The following ZNF649 variants were observed in gnomAD, a reference collection of about 807,000 sequenced individuals.
The protein encoded by ZNF649 is zinc finger protein 649.
A neutral mutation model predicts 14.1 loss-of-function variants in ZNF649; 7 were observed. The observed-to-expected ratio is 0.49, with a 90% CI of 0.28 to 0.93. The LOEUF (loss-of-function observed/expected upper bound fraction) is 0.93. Ranked by LOEUF, ZNF649 falls within the 40% of genes least tolerant of loss-of-function variation. The probability of loss-of-function intolerance (pLI) is 0.10; values close to 1 mark genes in which losing one functional copy is unlikely to be tolerated. For synonymous variants in ZNF649, 227 were observed against 212.3 expected (o/e 1.07, Z -0.60); for missense variants, 544 against 608.1 (o/e 0.89, Z 1.11).
At position 51,891,034 on chromosome 19, in the gene ZNF649, G is replaced by T; in HGVS notation, c.1102C>A (p.His368Asn). The change falls in exon 5 of 5, where the codon CAT becomes AAT. Residue 368 changes from histidine to asparagine, a missense_variant. By Grantham distance (68) the His-to-Asn change is moderately conservative (BLOSUM62 1). Transcript: ENST00000354957. This position sits in a 1 kb window ranked among gnomAD's most constrained non-coding sequence, Gnocchi z 4.2. Reference protein sequence around the residue: ...KSCLVAHQRYHTGKTPFVCPE... With the variant: ...KSCLVAHQRYNTGKTPFVCPE... ...CATACAAAGGGAGTCTTTCCTGTAT[G>T]ATATCTCTGATGTGCTACAAGGCAA... 6.2e-7 allele frequency: 1 copy of T among 1,614,168 alleles called. No individual in the cohort carries two copies.
intron 1 of ZNF649, among the ~76,000 whole-genome samples, chr19:51,902,972 A>T (rs1301811776): frequency 1.3e-5 from 2 of 152,232 alleles, no homozygotes; most frequent in African/African-American, 4.8e-5. Flanking sequence ...TGGCAAAGTT[A>T]TCTCGGGGTA....
chr19:51,890,574 C>T lies in ZNF649; in HGVS notation c.*44G>A, dbSNP rs772346991. ...AAAGGCCCATGGGACATGACAAACT[C>T]AGCATTCCGCTGGAGGCTATATGAT... On this transcript the variant is annotated 3_prime_UTR_variant, in exon 5 of 5. Transcript: ENST00000354957. 5 of 1,348,804 alleles carry T rather than the reference C, an allele frequency of 3.7e-6. No individual in the cohort carries two copies. In the East Asian group the frequency reaches 6.9e-5, roughly 19 times the overall value. The allele number at this position is 1,348,804 out of a possible 1,614,324, so 83.6% of individuals were successfully genotyped here.
chr19:51,900,711 C>T (rs2085089592), intron 1 of ZNF649, among the ~76,000 whole-genome samples: 2 of 152,180 alleles, frequency 1.3e-5, no homozygotes, highest in South Asian at 4.1e-4. Flanking sequence ...AGCCTTTTTC[C>T]CAACAATCGT....
At chr19:51,901,108 C>T (rs781621752) in intron 1 of ZNF649, among the ~76,000 whole-genome samples, 3 of 152,134 alleles carry the variant, frequency 2.0e-5, no homozygotes, top group South Asian at 2.1e-4. Flanking sequence ...TGACAACACA[C>T]GTGAAATGCT....
chr19:51,895,357 T>C (rs2085054940), intron 4 of ZNF649, among the ~76,000 whole-genome samples: 1 of 152,154 alleles, frequency 6.6e-6, no homozygotes, highest in Non-Finnish European at 1.5e-5. Flanking sequence ...TTCTTTTTGT[T>C]TTTTGAAACA....
In ZNF649 at chr19:51,890,341, T is replaced by C. The variant is rs1413874192; in HGVS notation, c.*277A>G. On this transcript the variant is annotated 3_prime_UTR_variant, in exon 5 of 5. Coordinates refer to ENST00000354957, the MANE Select transcript of ZNF649 (RefSeq NM_023074.4). Reference sequence around the variant, plus strand: ...TACAAAGAGAACAAAAGCTAACCCCTACCTTGGCCCCCGGAGTAAGAGATA... The same window carrying C: ...TACAAAGAGAACAAAAGCTAACCCCCACCTTGGCCCCCGGAGTAAGAGATA... 2 of 359,312 alleles carry C rather than the reference T, an allele frequency of 5.6e-6. No individual in the cohort carries two copies. Among genetic ancestry groups the C allele is most frequent in the Non-Finnish European group, 5.0e-6 (1 of 200,074 alleles). 22.3% of individuals were successfully genotyped at this position (359,312 alleles called of 1,614,324 possible). A position where few individuals can be genotyped will look rare whatever the true frequency, so the allele number is the denominator to read the frequency against.
intron 1 of ZNF649, among the ~76,000 whole-genome samples, chr19:51,902,977 G>A (rs2085103363): frequency 6.6e-6 from 1 of 152,166 alleles, no homozygotes; most frequent in African/African-American, 2.4e-5. Flanking sequence ...AAGTTATCTC[G>A]GGGTAAATGC....
intron 2 of ZNF649, chr19:51,897,282 T>C: frequency 4.2e-6 from 1 of 236,480 alleles, no homozygotes; most frequent in Admixed American, 5.0e-5. Context: ...TGTTCACAAA[T>C]AAACTGTATT....
chr19:51,897,036 G>A, intron 2 of ZNF649, 58 bp from the exon 3 acceptor site: 2 of 1,607,622 alleles, frequency 1.2e-6, no homozygotes, highest in Non-Finnish European at 1.7e-6. Flanking sequence ...GAAGAAATAT[G>A]AAGTTGTTCG....
intron 4 of ZNF649, among the ~76,000 whole-genome samples, chr19:51,892,455 G>A (rs2085030576): frequency 6.6e-6 from 1 of 152,042 alleles, no homozygotes; most frequent in Non-Finnish European, 1.5e-5. Flanking sequence ...GAGGTGGGAA[G>A]ATCACTTGAG....
chr19:51,899,415 CAGTTT>C (rs2085082790), intron 2 of ZNF649, among the ~76,000 whole-genome samples: 1 of 152,150 alleles, frequency 6.6e-6, no homozygotes. Context: ...ACTTAAACAC[CAGTTT>C]AGTGACCTGT....
At position 51,890,883 on chromosome 19, in the gene ZNF649, A is replaced by C. The variant is rs149447174; in HGVS notation, c.1253T>G (p.Ile418Ser). ...GKAFLTKTML[I>S]VHHRTHTGER... ...TCCCGTGTGAGTTCTGTGATGTACAATGAGCATTGTCTTTGTAAGGAAGGC... is the reference window on the plus strand; with the variant it reads ...TCCCGTGTGAGTTCTGTGATGTACACTGAGCATTGTCTTTGTAAGGAAGGC... The change falls in exon 5 of 5, where the codon ATT becomes AGT. Residue 418 changes from isoleucine (I) to serine (S), a missense_variant. By Grantham distance (142) the Ile-to-Ser change is moderately radical. Transcript: ENST00000354957. 7.4e-6 allele frequency: 12 copies of C among 1,614,096 alleles called. No homozygotes were observed. Among genetic ancestry groups the C allele is most frequent in the Non-Finnish European group, 1.0e-5 (12 of 1,180,044 alleles).
rs2085018681 is a variant in ZNF649, at chr19:51,891,091, T to C, written c.1045A>G (p.Ile349Val). The change falls in exon 5 of 5, where the codon ATT (isoleucine) becomes GTT (valine). Residue 349 changes from isoleucine to valine, a missense_variant. Transcript: ENST00000354957. This position sits in a 1 kb window ranked among gnomAD's most constrained non-coding sequence, Gnocchi z 4.2. The stretch of plus-strand genomic sequence containing the variant: ...TGGCTGAAGGCCTTGCCACAGTCAA[T>C]GCATCCATAAGGTTTCTCTCCAGTG... ...THTGEKPYGC[I>V]DCGKAFSQKS... 6.2e-7 allele frequency: 1 copy of C among 1,614,218 alleles called. No homozygotes were observed. Among genetic ancestry groups the C allele is most frequent in the Non-Finnish European group, 8.5e-7 (1 of 1,180,030 alleles).
chr19:51,895,258 C>A (rs1468578869), intron 4 of ZNF649, among the ~76,000 whole-genome samples: 1 of 152,126 alleles, frequency 6.6e-6, no homozygotes, highest in Non-Finnish European at 1.5e-5. Flanking sequence ...AAAGAAAATT[C>A]AAGGTGAAAA....
intron 2 of ZNF649, among the ~76,000 whole-genome samples, chr19:51,898,866 T>C (rs1037939464): frequency 1.4e-4 from 22 of 151,996 alleles, no homozygotes; most frequent in African/African-American, 4.6e-4. Context: ...TGAGCCGAGG[T>C]TGCACCACTG....
At chr19:51,898,866 T>A (rs1037939464) in intron 2 of ZNF649, among the ~76,000 whole-genome samples, 1 of 151,888 alleles carries the variant, frequency 6.6e-6, no homozygotes, top group Admixed American at 6.6e-5. Flanking sequence ...TGAGCCGAGG[T>A]TGCACCACTG....
intron 1 of ZNF649, among the ~76,000 whole-genome samples, chr19:51,903,587 G>A (rs750632950): frequency 1.6e-4 from 25 of 152,246 alleles, no homozygotes; most frequent in Non-Finnish European, 3.4e-4. Context: ...GGAAGGCCGA[G>A]GCGGGCAGAT....
chr19:51,895,423 A>C (rs945938065), intron 4 of ZNF649, among the ~76,000 whole-genome samples: 7 of 152,052 alleles, frequency 4.6e-5, no homozygotes, highest in Non-Finnish European at 1.0e-4. Flanking sequence ...AGCTCACTGC[A>C]ACCTCTGCCT....
At chr19:51,896,451 T>G (rs758734262) in intron 4 of ZNF649, 21 bp downstream of exon 4, 6 of 1,609,174 alleles carry the variant, frequency 3.7e-6, no homozygotes, top group Non-Finnish European at 5.1e-6. Context: ...CTTCCCCTCT[T>G]GCTGGTTCTC....
Sources: gnomAD v4.1 joint callset for allele counts (sites outside exome capture counted in the v4.1 genomes callset) on GRCh38, gnomAD v4.1.1 for gene constraint, Gnocchi (gnomAD v3.1) non-coding constraint, MANE v1.5 for transcripts, NCBI Gene and HGNC (gene_info 2026-07-23, HGNC 2026-07-21) for gene names.